Variants in PCDHA10 observed in about 807,000 individuals in gnomAD.
PCDHA10 encodes the protein protocadherin alpha 10, also known as protocadherin alpha-10.
PCDHA10 carries 45 observed loss-of-function variants against 61.2 expected under a neutral mutation model. The ratio of observed to expected loss-of-function variants is 0.74; its 90% CI spans 0.58 to 0.94. PCDHA10 has a LOEUF of 0.94. Ranked by LOEUF, PCDHA10 falls within the 40% of genes least tolerant of loss-of-function variation. The pLI is 0.00. For missense variants in PCDHA10, 1,278 were observed against 1,236.2 expected (o/e 1.03, Z -0.51); for synonymous variants, 602 against 548.8 (o/e 1.10, Z -1.35).
intron 1 of PCDHA10, among the ~76,000 whole-genome samples, chr5:140,904,227 C>G (rs1373458999): frequency 2.6e-5 from 4 of 151,978 alleles, no homozygotes; most frequent in Middle Eastern, 3.2e-3. Context: ...TTGTATTATA[C>G]TTATGCCTTT....
chr5:140,982,779 G>A (rs1228586175), intron 3 of PCDHA10, among the ~76,000 whole-genome samples: 2 of 151,918 alleles, frequency 1.3e-5, no homozygotes, highest in African/African-American at 2.4e-5. Context: ...GAAAGTGTGT[G>A]TGCACGCATG....
chr5:140,979,566 G>A (rs2096856791), intron 2 of PCDHA10, among the ~76,000 whole-genome samples: 1 of 152,194 alleles, frequency 6.6e-6, no homozygotes, highest in Non-Finnish European at 1.5e-5. Flanking sequence ...GATGAGCCAT[G>A]TAAAGGGCTC....
chr5:140,987,008 G>T (rs958548514), intron 3 of PCDHA10, among the ~76,000 whole-genome samples: 1 of 152,142 alleles, frequency 6.6e-6, no homozygotes, highest in Non-Finnish European at 1.5e-5. Context: ...GAGGTCATGA[G>T]TTCGAGACCA....
intron 1 of PCDHA10, chr5:140,871,239 C>G: frequency 6.2e-7 from 1 of 1,613,976 alleles, no homozygotes; most frequent in Non-Finnish European, 8.5e-7. Context: ...TCCTGGTACT[C>G]ACGCTGCTGC....
chr5:140,940,096 T>C (rs2153644801), intron 1 of PCDHA10, among the ~76,000 whole-genome samples: 1 of 152,378 alleles, frequency 6.6e-6, no homozygotes, highest in East Asian at 1.9e-4. Context: ...ATTGAAACTT[T>C]TAGCGTTATG....
intron 3 of PCDHA10, among the ~76,000 whole-genome samples, chr5:141,003,043 C>T (rs2098108698): frequency 6.6e-6 from 1 of 152,198 alleles, no homozygotes; most frequent in Non-Finnish European, 1.5e-5. Flanking sequence ...CCCTCCTGGC[C>T]TTAACAGAAC....
intron 1 of PCDHA10, chr5:140,967,872 A>G: frequency 1.2e-6 from 2 of 1,614,034 alleles, no homozygotes; most frequent in Non-Finnish European, 1.7e-6. Context: ...GTGCTCACGG[A>G]CCTGTATAGC....
At chr5:140,981,939 A>G (rs765176340) in intron 2 of PCDHA10, among the ~76,000 whole-genome samples, 1 of 152,180 alleles carries the variant, frequency 6.6e-6, no homozygotes, top group Non-Finnish European at 1.5e-5. Context: ...CTCAGGAAAT[A>G]TAGGGTGGGT....
intron 3 of PCDHA10, among the ~76,000 whole-genome samples, chr5:140,998,973 G>A (rs572810777): frequency 1.3e-5 from 2 of 152,352 alleles, no homozygotes; most frequent in African/African-American, 2.4e-5. Flanking sequence ...TAGTATCCTA[G>A]AAAATAGTAG....
Position 140,857,729 on chromosome 5 carries a change from G to T in PCDHA10, c.1681G>T (p.Ala561Ser), listed in dbSNP as rs782508750. 3 of 1,597,292 alleles carry T rather than the reference G, an allele frequency of 1.9e-6. No homozygotes were observed. In the East Asian group the frequency reaches 6.7e-5, roughly 36 times the overall value. The change falls in exon 1 of 4, where the codon GCT becomes TCT. Residue 561 changes from alanine to serine, a missense_variant. Physicochemically the swap from Ala to Ser is moderately conservative, Grantham distance 99. Coordinates refer to ENST00000307360, the MANE Select transcript of PCDHA10 (RefSeq NM_018901.4). ...QVFVLDENDN[A>S]PALLASPAGS... ...GTTCGTGCTGGACGAGAACGACAACGCTCCCGCGCTGCTGGCGTCTCCCGC... is the reference window on the plus strand; with the variant it reads ...GTTCGTGCTGGACGAGAACGACAACTCTCCCGCGCTGCTGGCGTCTCCCGC...
At chr5:140,995,235 A>G (rs1313042272) in intron 3 of PCDHA10, among the ~76,000 whole-genome samples, 1 of 152,188 alleles carries the variant, frequency 6.6e-6, no homozygotes, top group Non-Finnish European at 1.5e-5. Flanking sequence ...TGGGGCCAGT[A>G]TTAAGTAAAA....
chr5:140,877,155 C>A, intron 1 of PCDHA10: 1 of 1,613,798 alleles, frequency 6.2e-7, no homozygotes, highest in Non-Finnish European at 8.5e-7. Context: ...AGAACGACAA[C>A]GCGCCGGCAC....
chr5:140,868,980 G>A (rs2050777662), intron 1 of PCDHA10: 2 of 1,489,988 alleles, frequency 1.3e-6, no homozygotes, highest in South Asian at 2.8e-5. Flanking sequence ...CCATCATACC[G>A]GATGCCACCG....
chr5:140,926,903 G>C (rs369906778), intron 1 of PCDHA10: 13 of 1,557,942 alleles, frequency 8.3e-6, no homozygotes, highest in African/African-American at 1.4e-5. Flanking sequence ...ATGGTGGGCT[G>C]TGGGGTGGCA....
intron 1 of PCDHA10, among the ~76,000 whole-genome samples, chr5:140,898,963 G>A (rs1411271866): frequency 6.6e-6 from 1 of 152,070 alleles, no homozygotes; most frequent in Non-Finnish European, 1.5e-5. Context: ...TTGTGAATGG[G>A]AGTTCACTCA....
intron 1 of PCDHA10, chr5:140,876,669 C>T: frequency 6.2e-7 from 1 of 1,614,186 alleles, no homozygotes; most frequent in Non-Finnish European, 8.5e-7. Context: ...AGCTGGTGTC[C>T]ACCTACAAGA....
At chr5:140,891,937 C>G (rs1168665111) in intron 1 of PCDHA10, among the ~76,000 whole-genome samples, 3 of 152,166 alleles carry the variant, frequency 2.0e-5, no homozygotes, top group Admixed American at 2.0e-4. Context: ...CTTGGACTTC[C>G]CCTAGGCTCC....
chr5:140,887,291 T>G (rs2153419358), intron 1 of PCDHA10, among the ~76,000 whole-genome samples: 1 of 152,074 alleles, frequency 6.6e-6, no homozygotes, highest in South Asian at 2.1e-4. Flanking sequence ...AGAGATGGGG[T>G]TTCATCTTGT....
Position 140,883,198 on chromosome 5 carries a change from C to G in PCDHA10, c.2388+24762C>G, listed in dbSNP as rs145698462. 1.9e-6 allele frequency: 3 copies of G among 1,613,572 alleles called. No individual in the cohort carries two copies. Among genetic ancestry groups the G allele is most frequent in the Admixed American group, 1.7e-5 (1 of 59,932 alleles). On this transcript the variant is annotated intron_variant, in intron 1 of 3. Transcript: ENST00000307360. ...TTAGGACAAAAGGCAAACTAGATTT[C>G]GAAGAAAAGAAATTATATGAAATAT...
Sources: gnomAD v4.1 joint callset for allele counts (sites outside exome capture counted in the v4.1 genomes callset) on GRCh38, gnomAD v4.1.1 for gene constraint, MANE v1.5 for transcripts, NCBI Gene and HGNC (gene_info 2026-07-23, HGNC 2026-07-21) for gene names.